The following UGT1A7 variants were observed in gnomAD, a reference collection of about 807,000 sequenced individuals.
UGT1A7 encodes UDP-glucuronosyltransferase 1A7.
Under a neutral mutation model 45.6 loss-of-function variants are expected in UGT1A7, and 33 were observed. That is an observed-to-expected ratio of 0.72 (90% CI 0.55 to 0.97). The LOEUF is 0.97. Ranked by LOEUF, UGT1A7 falls within the 50% of genes least tolerant of loss-of-function variation. The pLI is 0.00. For missense variants in UGT1A7, 684 were observed against 666.2 expected (o/e 1.03, Z -0.29); for synonymous variants, 274 against 250.6 (o/e 1.09, Z -0.88).
At chr2:233,697,583 G>T in intron 1 of UGT1A7, among the ~76,000 whole-genome samples, 1 of 146,206 alleles carries the variant, frequency 6.8e-6, no homozygotes, top group Non-Finnish European at 1.5e-5. Flanking sequence ...TTTTTTCCCT[G>T]ATCTTTATTA....
chr2:233,765,604 G>T (rs986298003), intron 1 of UGT1A7, among the ~76,000 whole-genome samples: 11 of 151,976 alleles, frequency 7.2e-5, no homozygotes, highest in Non-Finnish European at 1.2e-4. Context: ...CAGGGCTTGT[G>T]GCGGGGTGAG....
At chr2:233,692,262 T>G (rs1402145203) in intron 1 of UGT1A7, 1 of 152,496 alleles carries the variant, frequency 6.6e-6, no homozygotes, top group East Asian at 1.9e-4. Flanking sequence ...TCTTGTTCTT[T>G]GTACTTTTTC....
At chr2:233,754,727 A>G (rs1302985186) in intron 1 of UGT1A7, 1 of 608,774 alleles carries the variant, frequency 1.6e-6, no homozygotes, top group Non-Finnish European at 2.8e-6. Context: ...CTGTCCCATC[A>G]CTACCGTAGG....
chr2:233,753,489 A>C (rs964194118), intron 1 of UGT1A7: 3 of 151,990 alleles, frequency 2.0e-5, no homozygotes, highest in African/African-American at 7.3e-5. Context: ...TGCTGCTCTT[A>C]ATTTTTTTCA....
At chr2:233,748,007 C>T (rs1468299644) in intron 1 of UGT1A7, 2 of 1,613,408 alleles carry the variant, frequency 1.2e-6, no homozygotes, top group Admixed American at 1.7e-5. Context: ...TGATGGATTA[C>T]CCCAGGCCGA....
At chr2:233,746,859 G>T (rs1300459019) in intron 1 of UGT1A7, among the ~76,000 whole-genome samples, 1 of 151,794 alleles carries the variant, frequency 6.6e-6, no homozygotes, top group South Asian at 2.1e-4. Context: ...CTCAGCTGCA[G>T]CCTGATAAAC....
At chr2:233,696,698 A>G (rs1376211122) in intron 1 of UGT1A7, among the ~76,000 whole-genome samples, 4 of 152,138 alleles carry the variant, frequency 2.6e-5, no homozygotes, top group Non-Finnish European at 5.9e-5. Context: ...TCTTTGTCTT[A>G]TTCCAGATTT....
chr2:233,762,717 G>GT lies in UGT1A7; in HGVS notation c.856-4305dup, dbSNP rs34681509. 2.7e-3 allele frequency among the ~76,000 whole-genome samples: 387 copies of GT among 141,006 alleles called. 1 individual carries two copies. The highest frequency in any genetic ancestry group is 0.012 in the Middle Eastern group (3 of 260). 92.5% of individuals were successfully genotyped at this position (141,006 alleles called of 152,430 possible). On this transcript the variant is annotated intron_variant, in intron 1 of 4. Coordinates refer to ENST00000373426, the MANE Select transcript of UGT1A7 (RefSeq NM_019077.3). ...CATCTTTTCTTAAGTATTTTACACG[G>GT]TTTTTTTTTTTTGGTCACTACTGTG...
intron 1 of UGT1A7, among the ~76,000 whole-genome samples, chr2:233,720,449 T>C (rs1240396680): frequency 6.6e-6 from 1 of 152,106 alleles, no homozygotes; most frequent in East Asian, 1.9e-4. Context: ...ATAAGCCCAG[T>C]GAAGCTGGGA....
In UGT1A7 at chr2:233,690,676, G is replaced by A. The variant is rs2075002634; in HGVS notation, c.855+7884G>A. The A allele has an allele frequency of 4.0e-6, 5 of 1,262,194 alleles. No individual in the cohort carries two copies. The Admixed American group carries it at 1.4e-4, about 34-fold the overall frequency. 78.2% of individuals were successfully genotyped at this position (1,262,194 alleles called of 1,614,324 possible). On this transcript the variant is annotated intron_variant, in intron 1 of 4. Coordinates refer to ENST00000373426, the MANE Select transcript of UGT1A7 (RefSeq NM_019077.3). ...ACAGCACCAACCAGGGCAGGCCTGG[G>A]TCTCCAGCGGAGCTACTCTTTAGGG...
chr2:233,714,873 C>A (rs1233346677), intron 1 of UGT1A7, among the ~76,000 whole-genome samples: 1 of 147,466 alleles, frequency 6.8e-6, no homozygotes, highest in African/African-American at 2.5e-5. Flanking sequence ...AAAATTCTAT[C>A]TTTTAAATTT....
At chr2:233,746,951 C>A (rs1693515830) in intron 1 of UGT1A7, among the ~76,000 whole-genome samples, 1 of 151,748 alleles carries the variant, frequency 6.6e-6, no homozygotes, top group Admixed American at 6.5e-5. Context: ...GAAACAAGAG[C>A]TTGAACTTGG....
At chr2:233,768,773 AG>A (rs1386504904) in intron 4 of UGT1A7, among the ~76,000 whole-genome samples, 1 of 151,734 alleles carries the variant, frequency 6.6e-6, no homozygotes, top group Non-Finnish European at 1.5e-5. Context: ...TAGTAGAGAA[AG>A]GGTTTCACCA....
In UGT1A7 at chr2:233,714,646, G is replaced by T. The variant is rs2076402815; in HGVS notation, c.855+31854G>T. On this transcript the variant is annotated intron_variant, in intron 1 of 4. Transcript: ENST00000373426. ...AACCACTAAAATTAATGTGAATAAT[G>T]CATTTTATTTAACCAGATGTATCCC... 2.0e-5 allele frequency among the ~76,000 whole-genome samples: 3 copies of T among 152,178 alleles called. No individual in the cohort carries two copies. In the South Asian group the frequency reaches 6.2e-4, roughly 32 times the overall value.
At chr2:233,771,290 T>C (rs1700276789) in intron 4 of UGT1A7, 1 of 152,250 alleles carries the variant, frequency 6.6e-6, no homozygotes, top group African/African-American at 2.4e-5. Context: ...CCTTTTCTTT[T>C]CTACTTCCTC....
At chr2:233,760,403 A>G in intron 1 of UGT1A7, 1 of 1,614,240 alleles carries the variant, frequency 6.2e-7, no homozygotes, top group Non-Finnish European at 8.5e-7. Context: ...GATGGCAGCC[A>G]CTGGCTGAGC....
chr2:233,736,099 G>A (rs1234908815), intron 1 of UGT1A7, among the ~76,000 whole-genome samples: 3 of 152,216 alleles, frequency 2.0e-5, no homozygotes, highest in African/African-American at 7.2e-5. Context: ...ATATCCTGAA[G>A]AGTGTTTTCC....
At chr2:233,767,191 C>T (rs1476411384) in intron 2 of UGT1A7, 26 bp downstream of exon 2, 2 of 1,613,814 alleles carry the variant, frequency 1.2e-6, no homozygotes, top group Non-Finnish European at 1.7e-6. Context: ...ACCATGGCCT[C>T]ATATCTATTT....
intron 1 of UGT1A7, chr2:233,730,119 C>T (rs1050409403): frequency 6.4e-7 from 1 of 1,553,794 alleles, no homozygotes; most frequent in Non-Finnish European, 8.7e-7. Context: ...TTCTCCTTGT[C>T]ATAATAGCCT....
Sources: allele counts gnomAD v4.1 joint callset (sites outside exome capture counted in the v4.1 genomes callset), GRCh38; gene constraint gnomAD v4.1.1; transcripts MANE v1.5; gene names NCBI Gene and HGNC (gene_info 2026-07-23, HGNC 2026-07-21).